PRKAG2: variants seen among roughly 807,000 people sequenced by gnomAD.
The protein encoded by PRKAG2 is protein kinase AMP-activated non-catalytic subunit gamma 2, also known as 5'-AMP-activated protein kinase subunit gamma-2.
A neutral mutation model predicts 69.6 loss-of-function variants in PRKAG2; 26 were observed. The observed-to-expected ratio is 0.37, with a 90% CI of 0.27 to 0.52. The LOEUF (loss-of-function observed/expected upper bound fraction) is 0.52. Among genes scored for constraint, PRKAG2 ranks in the 20% least tolerant of loss-of-function variants. PRKAG2 has a pLI of 0.90. For synonymous variants in PRKAG2, 293 were observed against 285.0 expected (o/e 1.03, Z -0.28); for missense variants, 557 against 740.0 (o/e 0.75, Z 2.87).
chr7:151,754,357 CA>C (rs2074922338), intron 3 of PRKAG2, among the ~76,000 whole-genome samples: 1 of 152,242 alleles, frequency 6.6e-6, no homozygotes, highest in Non-Finnish European at 1.5e-5. Flanking sequence ...GGATGCCGCA[CA>C]TACTTTTCCT....
Position 151,829,178 on chromosome 7 carries a change from A to G in PRKAG2, c.115-42637T>C, listed in dbSNP as rs190781390. ...ATAAAGAACTGTTCAACTCAATAGTAAAAAGACAACCCAATTTAAACACAG... is the reference window on the plus strand; with the variant it reads ...ATAAAGAACTGTTCAACTCAATAGTGAAAAGACAACCCAATTTAAACACAG... On this transcript the variant is annotated intron_variant, in intron 1 of 15. Transcript: ENST00000287878. Among the ~76,000 whole-genome samples the G allele has an allele frequency of 1.3e-5, 2 of 152,248 alleles. 1 individual carries two copies. The highest frequency in any genetic ancestry group is 1.3e-4 in the Admixed American group (2 of 15,290).
At chr7:151,604,413 G>C (rs1816981717) in intron 5 of PRKAG2, among the ~76,000 whole-genome samples, 1 of 152,198 alleles carries the variant, frequency 6.6e-6, no homozygotes, top group South Asian at 2.1e-4. Flanking sequence ...GAGGCAGGAG[G>C]AGCCCTGGAG....
At chr7:151,629,739 T>C (rs1823930906) in intron 5 of PRKAG2, among the ~76,000 whole-genome samples, 1 of 152,228 alleles carries the variant, frequency 6.6e-6, no homozygotes, top group Admixed American at 6.5e-5. Flanking sequence ...GTACAGCGAA[T>C]ATATCTCGGT....
In PRKAG2 at chr7:151,565,892, G is replaced by A. The variant is rs1456377814; in HGVS notation, c.1234-7C>T. The A allele has an allele frequency of 5.6e-6, 9 of 1,612,040 alleles. No homozygotes were observed. Among genetic ancestry groups the A allele is most frequent in the African/African-American group, 1.3e-5 (1 of 74,876 alleles). The stretch of plus-strand genomic sequence containing the variant: ...GCTTTGGCATATCAGACATCTAAAC[G>A]GAAGATAAACGCAAACGTTCTAGAC... On this transcript the variant is annotated splice_polypyrimidine_tract_variant and splice_region_variant and intron_variant, in intron 11 of 15. Transcript: ENST00000287878.
chr7:151,834,674 C>T (rs2079107458), intron 1 of PRKAG2, among the ~76,000 whole-genome samples: 1 of 152,220 alleles, frequency 6.6e-6, no homozygotes, highest in South Asian at 2.1e-4. Context: ...TGGAAAGCAT[C>T]TGATGAGGTG....
intron 1 of PRKAG2, among the ~76,000 whole-genome samples, chr7:151,795,846 C>CATATATATATATATAT: frequency 1.8e-5 from 1 of 56,798 alleles, no homozygotes; most frequent in South Asian, 1.0e-3. Context: ...AAACAAATCT[C>CATATATATATATATAT]ATATATATAT....
chr7:151,693,875 TTC>T (rs2151539156), intron 3 of PRKAG2, among the ~76,000 whole-genome samples: 1 of 152,338 alleles, frequency 6.6e-6, no homozygotes, highest in South Asian at 2.1e-4. Flanking sequence ...GAAATTTCTG[TTC>T]TTTTTTTGTT....
At chr7:151,585,677 C>T (rs568994069) in intron 6 of PRKAG2, among the ~76,000 whole-genome samples, 2 of 152,200 alleles carry the variant, frequency 1.3e-5, no homozygotes, top group African/African-American at 4.8e-5. Flanking sequence ...AGCTATCCCA[C>T]CTGGTTTCAA....
chr7:151,768,471 C>T (rs1563630399), intron 3 of PRKAG2, among the ~76,000 whole-genome samples: 2 of 151,524 alleles, frequency 1.3e-5, no homozygotes, highest in Non-Finnish European at 2.9e-5. Context: ...TTCTTTCTTT[C>T]TTTTTTTTTC....
rs540363000 is a variant in PRKAG2, at chr7:151,777,855, A to G, written c.466+3297T>C. Among the ~76,000 whole-genome samples the G allele has an allele frequency of 6.6e-6, 1 of 152,300 alleles. No homozygotes were observed. Among genetic ancestry groups the G allele is most frequent in the East Asian group, 1.9e-4 (1 of 5,182 alleles). ...TTGTGAGATGAATGAAAGACCACAG[A>G]TTAGGATTATGGGAGGGGCCTGAAC... On this transcript the variant is annotated intron_variant, in intron 3 of 15. Coordinates refer to ENST00000287878, the MANE Select transcript of PRKAG2 (RefSeq NM_016203.4). The surrounding 1 kb of genome is among the most constrained non-coding windows in gnomAD (Gnocchi z 4.3).
intron 3 of PRKAG2, among the ~76,000 whole-genome samples, chr7:151,746,668 C>T (rs1037623980): frequency 6.6e-6 from 1 of 152,224 alleles, no homozygotes; most frequent in Non-Finnish European, 1.5e-5. Context: ...CTGCGGAAAG[C>T]CTGGGTGAGG....
chr7:151,581,058 C>T (rs550936450), intron 6 of PRKAG2, among the ~76,000 whole-genome samples: 8 of 151,862 alleles, frequency 5.3e-5, no homozygotes, highest in African/African-American at 1.9e-4. Flanking sequence ...TTCATGCACC[C>T]TATAAGTATA....
intron 1 of PRKAG2, among the ~76,000 whole-genome samples, chr7:151,798,318 C>T (rs185932313): frequency 7.9e-5 from 12 of 151,094 alleles, no homozygotes; most frequent in East Asian, 3.9e-4. Context: ...TTTGTTTGTT[C>T]GTTTTTTGTT....
At chr7:151,564,376 G>C in intron 13 of PRKAG2, 152 bp from the exon 14 acceptor site, 1 of 735,094 alleles carries the variant, frequency 1.4e-6, no homozygotes, top group Non-Finnish European at 2.3e-6. Flanking sequence ...TCTGGCTTAC[G>C]ACATGCCATT....
intron 1 of PRKAG2, among the ~76,000 whole-genome samples, chr7:151,854,605 C>T (rs577655511): frequency 4.4e-4 from 67 of 152,348 alleles, no homozygotes; most frequent in Middle Eastern, 3.4e-3. Flanking sequence ...CTAATGGCTA[C>T]GGACAGCACT....
intron 3 of PRKAG2, among the ~76,000 whole-genome samples, chr7:151,759,243 C>T (rs578144637): frequency 6.6e-6 from 1 of 152,336 alleles, no homozygotes; most frequent in South Asian, 2.1e-4. Flanking sequence ...CCATGGCCTC[C>T]ACCTGTCCTC....
At chr7:151,849,225 G>A (rs1477206890) in intron 1 of PRKAG2, among the ~76,000 whole-genome samples, 1 of 152,250 alleles carries the variant, frequency 6.6e-6, no homozygotes. Flanking sequence ...TGGGGAAAGG[G>A]GCCTCCGATG....
At chr7:151,803,937 CAAA>C (rs71198732) in intron 1 of PRKAG2, among the ~76,000 whole-genome samples, 23,311 of 106,816 alleles carry the variant, frequency 0.22, 1,832 homozygotes, top group South Asian at 0.32. Flanking sequence ...GACTATGTCT[CAAA>C]AAAAAAAAAA....
At chr7:151,605,291 A>G (rs1198537332) in intron 5 of PRKAG2, among the ~76,000 whole-genome samples, 1 of 151,496 alleles carries the variant, frequency 6.6e-6, no homozygotes, top group East Asian at 2.0e-4. Context: ...TGCTGGGATT[A>G]CAGGTGTGAG....
Sources: allele counts gnomAD v4.1 joint callset (sites outside exome capture counted in the v4.1 genomes callset), GRCh38; gene constraint gnomAD v4.1.1; non-coding constraint Gnocchi (gnomAD v3.1); transcripts MANE v1.5; gene names NCBI Gene and HGNC (gene_info 2026-07-23, HGNC 2026-07-21).